The following TECRL variants were observed in gnomAD, a reference collection of about 807,000 sequenced individuals.
TECRL encodes the protein trans-2,3-enoyl-CoA reductase like, also known as trans-2,3-enoyl-CoA reductase-like.
A neutral mutation model predicts 52.8 loss-of-function variants in TECRL; 63 were observed. The observed-to-expected ratio is 1.19, with a 90% CI of 0.97 to 1.47. The LOEUF (loss-of-function observed/expected upper bound fraction) is 1.47, where lower values mean the gene tolerates loss of function less well. Among genes scored for constraint, TECRL ranks in the 40% most tolerant of loss-of-function variants. The pLI, the probability that TECRL is intolerant of heterozygous loss-of-function variation, is 0.00. For synonymous variants in TECRL, 164 were observed against 141.9 expected (o/e 1.16, Z -1.10); for missense variants, 482 against 429.6 (o/e 1.12, Z -1.08).
intron 9 of TECRL, among the ~76,000 whole-genome samples, chr4:64,287,453 A>G (rs1425583092): frequency 6.6e-6 from 1 of 152,154 alleles, no homozygotes; most frequent in Non-Finnish European, 1.5e-5. Flanking sequence ...ATGTTAAGAA[A>G]TTCAAGTTGA....
At chr4:64,405,561 G>A (rs1724652287) in intron 1 of TECRL, among the ~76,000 whole-genome samples, 1 of 152,018 alleles carries the variant, frequency 6.6e-6, no homozygotes, top group African/African-American at 2.4e-5. Flanking sequence ...TGATATGCCT[G>A]GTAAACATCC....
chr4:64,392,094 A>G (rs931269362), intron 1 of TECRL, among the ~76,000 whole-genome samples: 4 of 151,862 alleles, frequency 2.6e-5, no homozygotes, highest in African/African-American at 9.7e-5. Flanking sequence ...CTCACTTTAG[A>G]ATCTATACTG....
chr4:64,346,751 T>C (rs1324271029), intron 2 of TECRL, among the ~76,000 whole-genome samples: 2 of 152,208 alleles, frequency 1.3e-5, no homozygotes, highest in East Asian at 1.9e-4. Flanking sequence ...CCCCATTGTC[T>C]TGGTGATTAA....
intron 2 of TECRL, among the ~76,000 whole-genome samples, chr4:64,350,437 G>T (rs1720302335): frequency 6.6e-6 from 1 of 152,128 alleles, no homozygotes; most frequent in Admixed American, 6.6e-5. Flanking sequence ...TTGGCTGGGT[G>T]ACAATTCCCA....
intron 1 of TECRL, among the ~76,000 whole-genome samples, chr4:64,377,812 C>A (rs1442330697): frequency 1.3e-5 from 2 of 152,024 alleles, no homozygotes; most frequent in Non-Finnish European, 2.9e-5. Flanking sequence ...TTCACAGAAA[C>A]CTTTTTTTGT....
At chr4:64,288,284 A>C (rs955894846) in intron 9 of TECRL, among the ~76,000 whole-genome samples, 9 of 152,140 alleles carry the variant, frequency 5.9e-5, no homozygotes, top group Admixed American at 2.6e-4. Flanking sequence ...GTTTTGTGAG[A>C]GCCTTGAAGA....
At chr4:64,404,494 A>AATG (rs1724581054) in intron 1 of TECRL, among the ~76,000 whole-genome samples, 1 of 152,080 alleles carries the variant, frequency 6.6e-6, no homozygotes, top group Non-Finnish European at 1.5e-5. Context: ...TCTTATTTTT[A>AATG]ATGTTCCAAC....
In TECRL at chr4:64,309,841, C is replaced by T. The variant is rs1724561417; in HGVS notation, c.642G>A (p.Leu214=). ...VHKVSAGHTP[L]KNLIMSCAFY... is the part of the protein sequence containing the mutation. The stretch of plus-strand genomic sequence containing the variant: ...GCATCCTCACCATTATCAAATTTTT[C>T]AAAGGTGTGTGTCCTGCAGAAACTT... Residue 214 remains leucine (L), a synonymous_variant, in exon 6 of 12, where the codon TTG becomes TTA. Transcript: ENST00000381210. 1 of 1,605,590 alleles carries T rather than the reference C, an allele frequency of 6.2e-7. No homozygotes were observed. Among genetic ancestry groups the T allele is most frequent in the Non-Finnish European group, 8.5e-7 (1 of 1,173,146 alleles).
intron 2 of TECRL, among the ~76,000 whole-genome samples, chr4:64,373,011 A>G (rs1299055551): frequency 1.3e-5 from 2 of 151,766 alleles, no homozygotes; most frequent in African/African-American, 2.4e-5. Context: ...ACTAATGTCC[A>G]TATGTTTACA....
In TECRL at chr4:64,409,301, A is replaced by G; in HGVS notation, c.51T>C (p.Leu17=). 1 of 1,613,800 alleles carries G rather than the reference A, an allele frequency of 6.2e-7. No individual in the cohort carries two copies. Among genetic ancestry groups the G allele is most frequent in the Non-Finnish European group, 8.5e-7 (1 of 1,179,818 alleles). ...GTATGAACCGTGTAGCTCTTTGGGA[A>G]AGTAATGCTCTCTTGCGTTCCGAAG... ...SLASERKRAL[L]SQRATRFILK... Residue 17 remains leucine, a synonymous_variant, in exon 1 of 12, where the codon CTT becomes CTC. Coordinates refer to ENST00000381210, the MANE Select transcript of TECRL (RefSeq NM_001010874.5).
chr4:64,295,647 A>G (rs1185607345), intron 8 of TECRL, among the ~76,000 whole-genome samples: 1 of 151,812 alleles, frequency 6.6e-6, no homozygotes, highest in Non-Finnish European at 1.5e-5. Flanking sequence ...GAAAACATTC[A>G]TGATTTTTTC....
At chr4:64,310,684 C>T (rs72638967) in intron 5 of TECRL, among the ~76,000 whole-genome samples, 2,421 of 152,196 alleles carry the variant, frequency 0.016, 27 homozygotes, top group South Asian at 0.062. Flanking sequence ...ACTTTGGTTG[C>T]TATTAAAAAA....
chr4:64,397,766 A>G (rs989714785), intron 1 of TECRL: 2 of 152,208 alleles, frequency 1.3e-5, no homozygotes, highest in African/African-American at 4.8e-5. Context: ...TTATTGTTCC[A>G]ATGTGCTGCT....
intron 2 of TECRL, among the ~76,000 whole-genome samples, chr4:64,345,805 G>A (rs1719913273): frequency 7.0e-6 from 1 of 143,524 alleles, no homozygotes; most frequent in African/African-American, 2.6e-5. Context: ...TGATATAGAA[G>A]AACTGTATGG....
intron 8 of TECRL, among the ~76,000 whole-genome samples, chr4:64,297,466 A>G (rs188533120): frequency 6.6e-6 from 1 of 151,170 alleles, no homozygotes; most frequent in Admixed American, 6.6e-5. Flanking sequence ...TACAATTAAG[A>G]TAAGTCTTTT....
At chr4:64,307,131 A>G (rs937865355) in intron 6 of TECRL, among the ~76,000 whole-genome samples, 1 of 152,118 alleles carries the variant, frequency 6.6e-6, no homozygotes, top group African/African-American at 2.4e-5. Context: ...GAGGTCAGTC[A>G]CTTTCATTTC....
chr4:64,372,590 A>G (rs1330647387), intron 2 of TECRL, among the ~76,000 whole-genome samples: 1 of 151,810 alleles, frequency 6.6e-6, no homozygotes, highest in Non-Finnish European at 1.5e-5. Context: ...ATTACAGTAA[A>G]AAAAGTTCTA....
intron 6 of TECRL, among the ~76,000 whole-genome samples, chr4:64,306,318 C>T (rs1724332867): frequency 6.6e-6 from 1 of 152,068 alleles, no homozygotes; most frequent in South Asian, 2.1e-4. Flanking sequence ...GGAGCTCTAG[C>T]CGTTGTGTGG....
At chr4:64,329,722 G>T (rs1319047860) in intron 2 of TECRL, among the ~76,000 whole-genome samples, 1 of 151,494 alleles carries the variant, frequency 6.6e-6, no homozygotes, top group Non-Finnish European at 1.5e-5. Flanking sequence ...ATTTTATTTG[G>T]TTAAAAATTA....
Sources: gnomAD v4.1 joint callset for allele counts (sites outside exome capture counted in the v4.1 genomes callset) on GRCh38, gnomAD v4.1.1 for gene constraint, MANE v1.5 for transcripts, NCBI Gene and HGNC (gene_info 2026-07-23, HGNC 2026-07-21) for gene names.